Variants in VPS13B observed in about 807,000 individuals in gnomAD.
The protein encoded by VPS13B is vacuolar protein sorting 13 homolog B, also known as intermembrane lipid transfer protein VPS13B.
In VPS13B, 285 loss-of-function variants were observed where a neutral mutation model predicts 426.4. The ratio of observed to expected loss-of-function variants is 0.67; its 90% CI spans 0.61 to 0.74. VPS13B has a LOEUF of 0.74. Ranked by LOEUF, VPS13B falls within the 30% of genes least tolerant of loss-of-function variation. The pLI, the probability that VPS13B is intolerant of heterozygous loss-of-function variation, is 0.00. For missense variants in VPS13B, 4,537 were observed against 4,782.6 expected (o/e 0.95, Z 1.51); for synonymous variants, 1,676 against 1,676.4 (o/e 1.00, Z 0.01).
At chr8:99,665,432 TA>T (rs1476727678) in intron 35 of VPS13B, among the ~76,000 whole-genome samples, 2 of 152,226 alleles carry the variant, frequency 1.3e-5, no homozygotes, top group African/African-American at 4.8e-5. Context: ...GGTTTTCTTC[TA>T]GGGTTTTTAT....
intron 2 of VPS13B, among the ~76,000 whole-genome samples, chr8:99,028,331 C>T (rs1383162078): frequency 8.7e-5 from 13 of 149,510 alleles, no homozygotes; most frequent in African/African-American, 2.2e-4. Context: ...GGCGGCTGGC[C>T]GGGCAGGGGG....
chr8:99,073,734 G>A (rs1388428520), intron 3 of VPS13B, among the ~76,000 whole-genome samples: 1 of 144,334 alleles, frequency 6.9e-6, no homozygotes, highest in Non-Finnish European at 1.5e-5. Context: ...TGGAAACCCA[G>A]GACTTTCTTT....
At chr8:99,461,437 T>A (rs1050564458) in intron 23 of VPS13B, among the ~76,000 whole-genome samples, 28 of 152,206 alleles carry the variant, frequency 1.8e-4, no homozygotes, top group Admixed American at 1.8e-3. Context: ...CTTCTTACAT[T>A]CCTGACAATA....
intron 33 of VPS13B, among the ~76,000 whole-genome samples, chr8:99,638,157 A>G (rs1829145597): frequency 6.6e-6 from 1 of 152,114 alleles, no homozygotes; most frequent in African/African-American, 2.4e-5. Context: ...ATATGTTCAT[A>G]CATTTATTCA....
chr8:99,242,509 A>G (rs1238243615), intron 17 of VPS13B, among the ~76,000 whole-genome samples: 2 of 152,170 alleles, frequency 1.3e-5, no homozygotes, highest in Non-Finnish European at 2.9e-5. Context: ...TTGCAAATGG[A>G]GCAAAGTAGT....
chr8:99,185,798 A>C (rs1016433348), intron 16 of VPS13B, among the ~76,000 whole-genome samples: 2 of 152,156 alleles, frequency 1.3e-5, no homozygotes, highest in Admixed American at 6.5e-5. Flanking sequence ...TTTTTATTTA[A>C]AATTTAGAAG....
At chr8:99,353,162 T>G (rs1363534186) in intron 19 of VPS13B, among the ~76,000 whole-genome samples, 1 of 151,894 alleles carries the variant, frequency 6.6e-6, no homozygotes, top group African/African-American at 2.4e-5. Context: ...TTTCATATTT[T>G]TAATAGAAAC....
intron 3 of VPS13B, among the ~76,000 whole-genome samples, chr8:99,044,084 C>CTTTTT (rs5893476): frequency 0.015 from 1,454 of 98,896 alleles, 3 homozygotes; most frequent in Non-Finnish European, 0.018. Flanking sequence ...TTCTTTCTTT[C>CTTTTT]TTTTTTTTTT....
At chr8:99,034,742 T>C (rs1432760055) in intron 2 of VPS13B, among the ~76,000 whole-genome samples, 1 of 152,228 alleles carries the variant, frequency 6.6e-6, no homozygotes, top group African/African-American at 2.4e-5. Context: ...CTTACTCTTA[T>C]TGCTGCTGAG....
chr8:99,019,618 T>G (rs1841789669), intron 2 of VPS13B, among the ~76,000 whole-genome samples: 1 of 152,194 alleles, frequency 6.6e-6, no homozygotes, highest in Non-Finnish European at 1.5e-5. Context: ...AAATTCTGTA[T>G]CCATTAGACA....
At chr8:99,084,755 TGAGTGGCTTTGA>T (rs2132386264) in intron 3 of VPS13B, among the ~76,000 whole-genome samples, 1 of 152,346 alleles carries the variant, frequency 6.6e-6, no homozygotes, top group East Asian at 1.9e-4. Context: ...TCCATGTAGT[TGAGTGGCTTTGA>T]GTGAGTTTCT....
intron 57 of VPS13B, among the ~76,000 whole-genome samples, chr8:99,860,178 C>G (rs1816764633): frequency 6.6e-6 from 1 of 152,110 alleles, no homozygotes; most frequent in South Asian, 2.1e-4. Flanking sequence ...TGACTATAGG[C>G]CATAGGACAG....
intron 30 of VPS13B, among the ~76,000 whole-genome samples, chr8:99,531,904 C>T (rs2133697187): frequency 6.6e-6 from 1 of 152,080 alleles, no homozygotes; most frequent in South Asian, 2.1e-4. Flanking sequence ...CATACCTATT[C>T]AAATAGATTT....
Position 99,778,715 on chromosome 8 carries a change from A to G in VPS13B, c.7463A>G (p.Asp2488Gly). The G allele has an allele frequency of 1.2e-6, 2 of 1,613,870 alleles. No individual in the cohort carries two copies. Among genetic ancestry groups the G allele is most frequent in the Non-Finnish European group, 1.7e-6 (2 of 1,179,882 alleles). ...CAGTACCTACAGCCATTTGTTTCCG[A>G]CAGAAATATGCCATCTGAACTAGAA... is the stretch of plus-strand genomic sequence containing the variant. Reference protein sequence around the residue: ...APQYLQPFVSDRNMPSELEYM... With the variant: ...APQYLQPFVSGRNMPSELEYM... Residue 2488 changes from aspartate to glycine, a missense_variant, in exon 42 of 62, where the codon GAC becomes GGC. By Grantham distance (94) the Asp-to-Gly change is moderately conservative. Around this residue, in one of 2 missense-constraint regions of VPS13B, gnomAD observed 4,311 missense variants for 4,474.3 expected, o/e 0.96. Coordinates refer to ENST00000357162, the MANE Select transcript of VPS13B (RefSeq NM_152564.5).
intron 36 of VPS13B, among the ~76,000 whole-genome samples, chr8:99,713,878 G>A (rs762800523): frequency 5.9e-5 from 9 of 152,164 alleles, no homozygotes; most frequent in Non-Finnish European, 1.3e-4. Flanking sequence ...AGTGGCTCAC[G>A]CCTGTAATCC....
chr8:99,421,841 C>A (rs1284884861), intron 21 of VPS13B, among the ~76,000 whole-genome samples: 2 of 152,002 alleles, frequency 1.3e-5, no homozygotes. Flanking sequence ...CCATGCCCAG[C>A]TAAGTTTTGT....
intron 50 of VPS13B, among the ~76,000 whole-genome samples, chr8:99,823,149 C>G (rs1814474461): frequency 1.3e-5 from 2 of 152,178 alleles, no homozygotes. Context: ...CAGAGCCAGA[C>G]TGCATGGGTT....
At chr8:99,865,141 A>G (rs537183785) in intron 58 of VPS13B, among the ~76,000 whole-genome samples, 1 of 152,318 alleles carries the variant, frequency 6.6e-6, no homozygotes, top group South Asian at 2.1e-4. Flanking sequence ...CAGTTTTCCA[A>G]GAGCAACGGC....
At position 99,563,504 on chromosome 8, in the gene VPS13B, C is replaced by CA. The variant is rs562690403; in HGVS notation, c.4949+6853dup. On this transcript the variant is annotated intron_variant, in intron 31 of 61. Coordinates refer to ENST00000357162, the MANE Select transcript of VPS13B (RefSeq NM_152564.5). ...AAAGTTCACATAGGTACAAAATAGTCAATCATTCATTTCTCTTTTTAAAAG... is the reference window on the plus strand; with the variant it reads ...AAAGTTCACATAGGTACAAAATAGTCAAATCATTCATTTCTCTTTTTAAAAG... 6.7e-3 allele frequency among the ~76,000 whole-genome samples: 1,016 copies of CA among 152,100 alleles called. 9 individuals carry two copies. The highest frequency in any genetic ancestry group is 0.023 in the African/African-American group (958 of 41,492).
Sources: allele counts gnomAD v4.1 joint callset (sites outside exome capture counted in the v4.1 genomes callset), GRCh38; gene constraint gnomAD v4.1.1; regional missense constraint gnomAD v4.1.1; transcripts MANE v1.5; gene names NCBI Gene and HGNC (gene_info 2026-07-23, HGNC 2026-07-21).